Variants in TULP2 observed in about 807,000 individuals in gnomAD.
TULP2 encodes the protein tubby-related protein 2.
In TULP2, 64 loss-of-function variants were observed where a neutral mutation model predicts 60.3. That is an observed-to-expected ratio of 1.06 (90% CI 0.87 to 1.31). TULP2 has a LOEUF of 1.31. Among genes scored for constraint, TULP2 ranks in the 50% most tolerant of loss-of-function variants. The pLI, the probability that TULP2 is intolerant of heterozygous loss-of-function variation, is 0.00. For synonymous variants in TULP2, 267 were observed against 265.4 expected (o/e 1.01, Z -0.06); for missense variants, 652 against 667.0 (o/e 0.98, Z 0.25).
At chr19:48,894,328 AT>A (rs1275176166) in intron 6 of TULP2, among the ~76,000 whole-genome samples, 1 of 151,934 alleles carries the variant, frequency 6.6e-6, no homozygotes. Context: ...ATTTTTAAAA[AT>A]TTTTTTAAAT....
chr19:48,885,047 C>T (rs1346388386), intron 9 of TULP2, among the ~76,000 whole-genome samples: 1 of 150,086 alleles, frequency 6.7e-6, no homozygotes, highest in Non-Finnish European at 1.5e-5. Context: ...ATTACAGGTT[C>T]ACGCCACTAT....
chr19:48,881,509 T>C (rs981896439), intron 12 of TULP2, among the ~76,000 whole-genome samples: 2 of 151,590 alleles, frequency 1.3e-5, no homozygotes, highest in African/African-American at 4.8e-5. Flanking sequence ...AGCCTCCTGA[T>C]TAGCTGGGAC....
At chr19:48,887,445 CTCCCGAGTAGCTTG>C (rs1265146967) in intron 8 of TULP2, among the ~76,000 whole-genome samples, 1 of 151,106 alleles carries the variant, frequency 6.6e-6, no homozygotes, top group African/African-American at 2.4e-5. Flanking sequence ...TCACCTCAGC[CTCCCGAGTAGCTTG>C]GACTACAGGC....
In TULP2 at chr19:48,890,243, G is replaced by T. The variant is rs1437873421; in HGVS notation, c.515-612C>A. Among the ~76,000 whole-genome samples, 8 of 152,218 alleles carry T rather than the reference G, an allele frequency of 5.3e-5. No individual in the cohort carries two copies. The East Asian group carries it at 9.6e-4, about 18-fold the overall frequency. On this transcript the variant is annotated intron_variant, in intron 6 of 12. Coordinates refer to ENST00000221399, the MANE Select transcript of TULP2 (RefSeq NM_003323.3). ...GGGCTGGAGGTGGGACATGCGGGCAGCAATACTGCTTTGTAAAGCATTGAG... is the reference window on the plus strand; with the variant it reads ...GGGCTGGAGGTGGGACATGCGGGCATCAATACTGCTTTGTAAAGCATTGAG...
At chr19:48,887,344 A>C (rs1473889845) in intron 8 of TULP2, among the ~76,000 whole-genome samples, 1 of 16,452 alleles carries the variant, frequency 6.1e-5, no homozygotes, top group Admixed American at 9.7e-4. Context: ...TTTTTTTTTT[A>C]TGCAGAGTCT....
intron 6 of TULP2, 67 bp downstream of exon 6, chr19:48,894,931 A>C: frequency 1.3e-6 from 2 of 1,539,488 alleles, no homozygotes; most frequent in South Asian, 2.5e-5. Flanking sequence ...CTGCTGCCTA[A>C]GAAAGGGGAA....
At chr19:48,892,288 C>A (rs2037240163) in intron 6 of TULP2, among the ~76,000 whole-genome samples, 1 of 152,220 alleles carries the variant, frequency 6.6e-6, no homozygotes, top group African/African-American at 2.4e-5. Flanking sequence ...GGGGTCCCTG[C>A]AGCCTTCCAC....
chr19:48,887,233 G>T (rs1200535748), intron 8 of TULP2, among the ~76,000 whole-genome samples: 9 of 144,972 alleles, frequency 6.2e-5, no homozygotes, highest in Non-Finnish European at 3.0e-5. Flanking sequence ...GGCTGGTCTC[G>T]AACTCCTGAC....
chr19:48,895,217 C>T lies in TULP2; in HGVS notation c.350-55G>A, dbSNP rs565313234. The T allele has an allele frequency of 9.7e-5, 155 of 1,591,032 alleles. No homozygotes were observed. The African/African-American group carries it at 1.7e-3, about 17-fold the overall frequency. ...TTCTGGATGCTGCAGGAGGAGGCGG[C>T]TCAGGACCTGAACTCCTTGGTGTGA... On this transcript the variant is annotated intron_variant, in intron 5 of 12. Coordinates refer to ENST00000221399, the MANE Select transcript of TULP2 (RefSeq NM_003323.3).
rs1201333006 is a variant in TULP2 at position 48,895,043 on chromosome 19, A to G, written c.469T>C (p.Ser157Pro). 7 of 1,613,816 alleles carry G rather than the reference A, an allele frequency of 4.3e-6. No individual in the cohort carries two copies. The Admixed American group carries it at 6.7e-5, about 15-fold the overall frequency. ...CAACCCTTGCGTCGGATTCTCGGAG[A>G]CTGTTTAAAAGGTGGGGGAGAGACG... ...GSVSPPPFKQ[S>P]PRIRRKGWQA... The change falls in exon 6 of 13, where the codon TCT (serine) becomes CCT (proline). Residue 157 changes from serine to proline, a missense_variant. Ser to Pro is a moderately conservative substitution (Grantham distance 74). Transcript: ENST00000221399.
At chr19:48,891,481 T>C (rs2037232723) in intron 6 of TULP2, among the ~76,000 whole-genome samples, 1 of 151,858 alleles carries the variant, frequency 6.6e-6, no homozygotes, top group Non-Finnish European at 1.5e-5. Context: ...AATACAAAAA[T>C]TAGCAGGGCG....
Position 48,888,097 on chromosome 19 carries a change from C to A in TULP2, c.801G>T (p.Gly267=). 2 of 1,614,194 alleles carry A rather than the reference C, an allele frequency of 1.2e-6. No homozygotes were observed. The highest frequency in any genetic ancestry group is 1.7e-6 in the Non-Finnish European group (2 of 1,180,026). Residue 267 remains glycine (G), a synonymous_variant, in exon 8 of 13, where the codon GGG becomes GGT. Transcript: ENST00000221399. ...ASLAIRSPCP[G]LEEDMEAYVL... Reference sequence around the variant, plus strand: ...CGTAGGCTTCCATGTCCTCCTCCAGCCCAGGGCAGGGGGAGCGGATTGCCA... The same window carrying A: ...CGTAGGCTTCCATGTCCTCCTCCAGACCAGGGCAGGGGGAGCGGATTGCCA...
chr19:48,887,698 C>T (rs2123275151), intron 8 of TULP2, among the ~76,000 whole-genome samples: 1 of 152,232 alleles, frequency 6.6e-6, no homozygotes, highest in South Asian at 2.1e-4. Flanking sequence ...GCTGGGACTA[C>T]AGGCGCCTGC....
chr19:48,883,317 C>T (rs2037151713), intron 11 of TULP2, among the ~76,000 whole-genome samples: 1 of 151,956 alleles, frequency 6.6e-6, no homozygotes. Flanking sequence ...AATGAATAAT[C>T]CACCTCGTTT....
chr19:48,895,155 C>A lies in TULP2; in HGVS notation c.357G>T (p.Arg119Ser). 6.2e-7 allele frequency: 1 copy of A among 1,613,258 alleles called. No individual in the cohort carries two copies. Among genetic ancestry groups the A allele is most frequent in the Non-Finnish European group, 8.5e-7 (1 of 1,179,716 alleles). ...LPTPRTEAVF[R>S]NLGLQSPFLS... Reference sequence around the variant, plus strand: ...AGAAAGGGGACTGGAGACCGAGATTCCTGAACACTGAGGAAGGAAGGAGGG... The same window carrying A: ...AGAAAGGGGACTGGAGACCGAGATTACTGAACACTGAGGAAGGAAGGAGGG... Residue 119 changes from arginine (R) to serine (S), a missense_variant, in exon 6 of 13, where the codon AGG becomes AGT. By Grantham distance (110) the Arg-to-Ser change is moderately radical (BLOSUM62 -1). Coordinates refer to ENST00000221399, the MANE Select transcript of TULP2 (RefSeq NM_003323.3).
Position 48,895,100 on chromosome 19 carries a change from C to G in TULP2, c.412G>C (p.Glu138Gln), listed in dbSNP as rs2037266547. 1.2e-6 allele frequency: 2 copies of G among 1,613,962 alleles called. No homozygotes were observed. The highest frequency in any genetic ancestry group is 1.7e-6 in the Non-Finnish European group (2 of 1,180,034). ...LSWLPDNSDA[E>Q]LEEVSVENGS... Reference sequence around the variant, plus strand: ...TTCTCCACGGAGACTTCCTCCAATTCTGCATCGGAATTGTCTGGGAGCCAG... The same window carrying G: ...TTCTCCACGGAGACTTCCTCCAATTGTGCATCGGAATTGTCTGGGAGCCAG... Residue 138 changes from glutamate (E) to glutamine (Q), a missense_variant, in exon 6 of 13, where the codon GAA (glutamate) becomes CAA (glutamine). By Grantham distance (29) the Glu-to-Gln change is conservative. Transcript: ENST00000221399.
intron 12 of TULP2, 85 bp downstream of exon 12, chr19:48,881,947 T>C: frequency 2.5e-6 from 4 of 1,580,276 alleles, no homozygotes; most frequent in Non-Finnish European, 3.5e-6. Flanking sequence ...AACGCTCAAG[T>C]GATGATGGGA....
chr19:48,897,250 G>T lies in TULP2; in HGVS notation c.84+95C>A. 1.5e-6 allele frequency: 2 copies of T among 1,355,980 alleles called. No individual in the cohort carries two copies. Among genetic ancestry groups the T allele is most frequent in the Non-Finnish European group, 2.1e-6 (2 of 961,942 alleles). The allele number at this position is 1,355,980 out of a possible 1,614,324, so 84.0% of individuals were successfully genotyped here. A position where few individuals can be genotyped will look rare whatever the true frequency, so the allele number is the denominator to read the frequency against. ...CTCAAGGATGAGAGACAGCCAACAC[G>T]GGCTGGGAGTCCTAGAGCAAGACCT... On this transcript the variant is annotated intron_variant, in intron 3 of 12. Coordinates refer to ENST00000221399, the MANE Select transcript of TULP2 (RefSeq NM_003323.3). This position sits in a 1 kb window ranked among gnomAD's most constrained non-coding sequence, Gnocchi z 4.0.
intron 8 of TULP2, among the ~76,000 whole-genome samples, chr19:48,886,995 G>A (rs1037799827): frequency 2.5e-4 from 37 of 148,682 alleles, no homozygotes; most frequent in African/African-American, 7.7e-4. Flanking sequence ...TTACAAGCGT[G>A]AACCACCGTG....
Sources: gnomAD v4.1 joint callset for allele counts (sites outside exome capture counted in the v4.1 genomes callset) on GRCh38, gnomAD v4.1.1 for gene constraint, Gnocchi (gnomAD v3.1) non-coding constraint, MANE v1.5 for transcripts, NCBI Gene and HGNC (gene_info 2026-07-23, HGNC 2026-07-21) for gene names.